NOL4: variants seen among roughly 807,000 people sequenced by gnomAD.
NOL4 encodes the protein nucleolar protein 4.
NOL4 carries 17 observed loss-of-function variants against 75.9 expected under a neutral mutation model. The ratio of observed to expected loss-of-function variants is 0.22; its 90% CI spans 0.15 to 0.34. The LOEUF (loss-of-function observed/expected upper bound fraction) is 0.34, where lower values mean the gene tolerates loss of function less well. Ranked by LOEUF, NOL4 falls within the 10% of genes least tolerant of loss-of-function variation. The pLI is 1.00. For missense variants in NOL4, 614 were observed against 793.5 expected, an observed-to-expected ratio of 0.77 and a Z score of 2.72; for synonymous variants, 292 against 289.9, an observed-to-expected ratio of 1.01 and a Z score of -0.07.
chr18:34,084,830 ATCTG>A (rs1462769800), intron 5 of NOL4, among the ~76,000 whole-genome samples: 2 of 152,202 alleles, frequency 1.3e-5, no homozygotes, highest in Non-Finnish European at 2.9e-5. Context: ...TAGTTGATTT[ATCTG>A]TCTGCACAGC....
chr18:33,982,742 A>ATTTTT (rs953221382), intron 6 of NOL4, among the ~76,000 whole-genome samples: 4 of 104,912 alleles, frequency 3.8e-5, no homozygotes, highest in African/African-American at 7.1e-5. Context: ...AGACAATGGG[A>ATTTTT]TTTTTTTTTT....
chr18:34,176,369 A>G (rs1600802537), intron 1 of NOL4, among the ~76,000 whole-genome samples: 2 of 152,128 alleles, frequency 1.3e-5, no homozygotes, highest in South Asian at 4.1e-4. Context: ...AACAAAAGAG[A>G]AATGAGGAGA....
chr18:34,150,469 C>T (rs2081592995), intron 1 of NOL4, among the ~76,000 whole-genome samples: 1 of 151,504 alleles, frequency 6.6e-6, no homozygotes, highest in South Asian at 2.1e-4. Context: ...GACAAAGGAG[C>T]AACAGCAATA....
intron 8 of NOL4, among the ~76,000 whole-genome samples, chr18:33,943,549 A>G (rs1011553749): frequency 2.4e-4 from 36 of 151,878 alleles, no homozygotes; most frequent in African/African-American, 7.7e-4. Flanking sequence ...AAAAACCAAA[A>G]CAAAAACAAG....
chr18:33,932,694 A>G (rs939238868), intron 9 of NOL4, among the ~76,000 whole-genome samples: 13 of 152,270 alleles, frequency 8.5e-5, no homozygotes, highest in African/African-American at 2.9e-4. Context: ...TGAGAAGAGT[A>G]TTAAAAATGA....
chr18:33,856,263 A>G (rs951318034), intron 10 of NOL4, among the ~76,000 whole-genome samples: 11 of 152,084 alleles, frequency 7.2e-5, no homozygotes, highest in Non-Finnish European at 1.3e-4. Flanking sequence ...TATTAATAGC[A>G]CTAGTTATGG....
chr18:33,915,680 G>C lies in NOL4; in HGVS notation c.1542+27385C>G, dbSNP rs370447350. ...ATATATGAAGAACTGTCTTATGAAAGAGGAGATACTTATTTTGTGTCATGA... is the reference window on the plus strand; with the variant it reads ...ATATATGAAGAACTGTCTTATGAAACAGGAGATACTTATTTTGTGTCATGA... On this transcript the variant is annotated intron_variant, in intron 9 of 10. Transcript: ENST00000261592. Among the ~76,000 whole-genome samples, 166 of 152,252 alleles carry C rather than the reference G, an allele frequency of 1.1e-3. 1 individual carries two copies. Among genetic ancestry groups the C allele is most frequent in the African/African-American group, 3.8e-3 (159 of 41,540 alleles).
intron 1 of NOL4, 104 bp from the exon 2 acceptor site, chr18:34,130,124 A>C: frequency 9.0e-7 from 1 of 1,105,432 alleles, no homozygotes; most frequent in Non-Finnish European, 1.2e-6. Context: ...CCTCAACAAA[A>C]TCATCTATAT....
At chr18:33,973,721 G>A (rs891925118) in intron 6 of NOL4, among the ~76,000 whole-genome samples, 1 of 152,202 alleles carries the variant, frequency 6.6e-6, no homozygotes, top group Non-Finnish European at 1.5e-5. Context: ...CAAGCGCACT[G>A]TGCGGGAGCA....
intron 5 of NOL4, among the ~76,000 whole-genome samples, chr18:34,049,903 T>A (rs1045413084): frequency 1.3e-5 from 2 of 152,164 alleles, no homozygotes; most frequent in African/African-American, 4.8e-5. Context: ...CATAGGGCTA[T>A]CTTTAGTTAC....
At chr18:33,883,943 A>T (rs1479605245) in intron 9 of NOL4, among the ~76,000 whole-genome samples, 1 of 152,080 alleles carries the variant, frequency 6.6e-6, no homozygotes, top group Non-Finnish European at 1.5e-5. Flanking sequence ...GAGGGTTTTC[A>T]GCACTTGGGG....
chr18:34,202,980 T>C (rs1358250922), intron 1 of NOL4, among the ~76,000 whole-genome samples: 1 of 152,058 alleles, frequency 6.6e-6, no homozygotes, highest in Non-Finnish European at 1.5e-5. Context: ...CAAAATCCTG[T>C]ACACAAATAT....
chr18:34,133,753 G>C (rs998958070), intron 1 of NOL4, among the ~76,000 whole-genome samples: 3 of 152,162 alleles, frequency 2.0e-5, no homozygotes, highest in Non-Finnish European at 4.4e-5. Context: ...GCCGGGCTCA[G>C]TGGCTCAGGC....
At chr18:33,911,492 A>C (rs1356172946) in intron 9 of NOL4, among the ~76,000 whole-genome samples, 1 of 152,070 alleles carries the variant, frequency 6.6e-6, no homozygotes, top group Non-Finnish European at 1.5e-5. Context: ...ATGATCTTCC[A>C]CTTATTTAAA....
intron 1 of NOL4, among the ~76,000 whole-genome samples, chr18:34,184,796 C>T (rs2034328748): frequency 6.6e-6 from 1 of 152,056 alleles, no homozygotes; most frequent in Non-Finnish European, 1.5e-5. Context: ...CATGTGGGAG[C>T]AATCAAACTG....
At chr18:34,194,735 C>G (rs1033811917) in intron 1 of NOL4, among the ~76,000 whole-genome samples, 2 of 151,962 alleles carry the variant, frequency 1.3e-5, no homozygotes, top group African/African-American at 4.8e-5. Flanking sequence ...ATAAAAACTA[C>G]CTACCTAGGC....
At chr18:33,990,570 C>T (rs1489179434) in intron 6 of NOL4, among the ~76,000 whole-genome samples, 2 of 150,350 alleles carry the variant, frequency 1.3e-5, no homozygotes, top group Non-Finnish European at 3.0e-5. Flanking sequence ...AGACATTGGG[C>T]TGCTATACTC....
chr18:34,122,565 T>G (rs1350140934), intron 2 of NOL4, among the ~76,000 whole-genome samples: 1 of 152,148 alleles, frequency 6.6e-6, no homozygotes, highest in Non-Finnish European at 1.5e-5. Flanking sequence ...GTTAAAACTT[T>G]ACCTATATTA....
intron 1 of NOL4, among the ~76,000 whole-genome samples, chr18:34,204,427 CCTTCT>C (rs763302057): frequency 0.07 from 10,656 of 152,110 alleles, 723 homozygotes; most frequent in African/African-American, 0.18. Context: ...GTTCTCTTAT[CCTTCT>C]CTTATCCTTT....
Sources: gnomAD v4.1 joint callset for allele counts (sites outside exome capture counted in the v4.1 genomes callset) on GRCh38, gnomAD v4.1.1 for gene constraint, MANE v1.5 for transcripts, NCBI Gene and HGNC (gene_info 2026-07-23, HGNC 2026-07-21) for gene names.